LRRIQ1: variants seen among roughly 807,000 people sequenced by gnomAD.
LRRIQ1 encodes leucine-rich repeat- and IQ domain-containing protein 1.
LRRIQ1 carries 210 observed loss-of-function variants against 211.9 expected under a neutral mutation model. The ratio of observed to expected loss-of-function variants is 0.99; its 90% confidence interval spans 0.89 to 1.11. LRRIQ1 has a LOEUF of 1.11. Ranked by LOEUF, LRRIQ1 falls within the 50% of genes most tolerant of loss-of-function variation. The pLI is 0.00. For synonymous variants in LRRIQ1, 699 were observed against 650.1 expected, an observed-to-expected ratio of 1.08 and a Z score of -1.14; for missense variants, 2,136 against 1,939.5, an observed-to-expected ratio of 1.10 and a Z score of -1.90.
intron 24 of LRRIQ1, among the ~76,000 whole-genome samples, chr12:85,179,925 C>T (rs1163739349): frequency 4.1e-4 from 63 of 152,004 alleles, no homozygotes; most frequent in Non-Finnish European, 1.5e-4. Context: ...TCTGCTTCCT[C>T]CCATCCTCAA....
intron 24 of LRRIQ1, among the ~76,000 whole-genome samples, chr12:85,192,279 T>A (rs1294143627): frequency 6.7e-6 from 1 of 149,586 alleles, no homozygotes; most frequent in East Asian, 1.9e-4. Flanking sequence ...GTTCCTGTGT[T>A]AGTTTGCTTA....
intron 25 of LRRIQ1, among the ~76,000 whole-genome samples, chr12:85,231,678 G>T (rs533956798): frequency 2.0e-5 from 3 of 152,192 alleles, no homozygotes; most frequent in African/African-American, 4.8e-5. Context: ...AACCCAAGGG[G>T]TATACTGGCT....
chr12:85,151,260 C>G (rs1162847877), intron 19 of LRRIQ1, among the ~76,000 whole-genome samples: 1 of 151,472 alleles, frequency 6.6e-6, no homozygotes, highest in African/African-American at 2.4e-5. Flanking sequence ...GTTAGGTATC[C>G]TAAGACTAAA....
At chr12:85,047,684 C>A in intron 6 of LRRIQ1, 1 of 446,266 alleles carries the variant, frequency 2.2e-6, no homozygotes, top group Non-Finnish European at 4.1e-6. Context: ...CACTTCTGAT[C>A]TTGGGGGCCA....
intron 11 of LRRIQ1, among the ~76,000 whole-genome samples, chr12:85,094,864 T>TTG (rs1479148274): frequency 6.6e-6 from 1 of 151,858 alleles, no homozygotes; most frequent in Non-Finnish European, 1.5e-5. Context: ...ACGTGTGTGT[T>TTG]TGTGTGTGTA....
chr12:85,086,390 G>T (rs1381408608), intron 11 of LRRIQ1, among the ~76,000 whole-genome samples: 4 of 151,928 alleles, frequency 2.6e-5, no homozygotes, highest in Admixed American at 2.6e-4. Context: ...GAGGTCTGGT[G>T]GTTTAAAAGT....
intron 1 of LRRIQ1, among the ~76,000 whole-genome samples, chr12:85,255,658 G>T (rs1896068420): frequency 6.6e-6 from 1 of 151,626 alleles, no homozygotes; most frequent in Non-Finnish European, 1.5e-5. Flanking sequence ...GCCAGCAAGA[G>T]TTATTCTCTA....
rs1299914442 is a variant in LRRIQ1 at position 85,056,970 on chromosome 12, C to G, written c.2177C>G (p.Thr726Ser). ...HENAPEPDSM[T>S]CCVSESTLLY... ...AATGCACCTGAACCTGATAGCATGA[C>G]CTGCTGTGTATCAGAGTCAACCCTT... Residue 726 changes from threonine to serine, a missense_variant, in exon 8 of 27, where the codon ACC (threonine) becomes AGC (serine). Transcript: ENST00000393217. 6.2e-7 allele frequency: 1 copy of G among 1,611,122 alleles called. No homozygotes were observed. The highest frequency in any genetic ancestry group is 8.5e-7 in the Non-Finnish European group (1 of 1,178,770).
intron 4 of LRRIQ1, among the ~76,000 whole-genome samples, chr12:85,045,080 TATTACACAA>T (rs756649988): frequency 6.6e-6 from 1 of 151,948 alleles, no homozygotes; most frequent in Non-Finnish European, 1.5e-5. Context: ...AGGAGAACTA[TATTACACAA>T]ATTTTGTTGT....
At chr12:85,204,795 T>C (rs1419469833) in intron 24 of LRRIQ1, among the ~76,000 whole-genome samples, 1 of 152,184 alleles carries the variant, frequency 6.6e-6, no homozygotes, top group Non-Finnish European at 1.5e-5. Flanking sequence ...GAGAAGGGAC[T>C]TGCCTTATCT....
At chr12:85,107,123 A>G (rs1886836831) in intron 15 of LRRIQ1, among the ~76,000 whole-genome samples, 1 of 152,066 alleles carries the variant, frequency 6.6e-6, no homozygotes, top group African/African-American at 2.4e-5. Flanking sequence ...ATATTTTGTA[A>G]TTTTTAATAC....
downstream of LRRIQ1, among the ~76,000 whole-genome samples, chr12:85,245,817 A>C (rs1360898709): frequency 1.3e-5 from 2 of 150,796 alleles, no homozygotes; most frequent in Admixed American, 6.7e-5. Context: ...CTTTATACTT[A>C]ATTATAATTA....
chr12:85,237,656 A>G (rs1354506748), intron 26 of LRRIQ1, among the ~76,000 whole-genome samples: 1 of 152,120 alleles, frequency 6.6e-6, no homozygotes, highest in Non-Finnish European at 1.5e-5. Flanking sequence ...AGTTAAGACC[A>G]TGTAAAGTTA....
intron 24 of LRRIQ1, among the ~76,000 whole-genome samples, chr12:85,192,134 G>A (rs1161862275): frequency 6.6e-6 from 1 of 151,338 alleles, no homozygotes; most frequent in African/African-American, 2.4e-5. Context: ...AAGTATTACA[G>A]CTTTTCAGTC....
chr12:85,254,521 T>A (rs985816599), intron 1 of LRRIQ1, among the ~76,000 whole-genome samples: 41 of 152,126 alleles, frequency 2.7e-4, no homozygotes, highest in African/African-American at 9.9e-4. Context: ...GCAAAAGTTA[T>A]GTATTATAAT....
chr12:85,086,532 T>C (rs1490703571), intron 11 of LRRIQ1, among the ~76,000 whole-genome samples: 1 of 152,174 alleles, frequency 6.6e-6, no homozygotes, highest in Non-Finnish European at 1.5e-5. Flanking sequence ...ATGTCAGCAC[T>C]ATGCTTCCTG....
chr12:85,161,110 T>C (rs1371477321), intron 24 of LRRIQ1, among the ~76,000 whole-genome samples: 1 of 152,116 alleles, frequency 6.6e-6, no homozygotes, highest in Non-Finnish European at 1.5e-5. Flanking sequence ...TATTAAGCCC[T>C]ATAAATTATA....
At chr12:85,170,455 A>T (rs1283446783) in intron 24 of LRRIQ1, among the ~76,000 whole-genome samples, 1 of 150,424 alleles carries the variant, frequency 6.6e-6, no homozygotes, top group African/African-American at 2.4e-5. Context: ...GTATATGCAT[A>T]GTATATGCAC....
At chr12:85,215,391 T>A (rs1320441520) in intron 24 of LRRIQ1, among the ~76,000 whole-genome samples, 1 of 152,194 alleles carries the variant, frequency 6.6e-6, no homozygotes, top group African/African-American at 2.4e-5. Flanking sequence ...GTGTGCCGGT[T>A]TGTTACATAG....
Sources: gnomAD v4.1 joint callset for allele counts (sites outside exome capture counted in the v4.1 genomes callset) on GRCh38, gnomAD v4.1.1 for gene constraint, MANE v1.5 for transcripts, NCBI Gene and HGNC (gene_info 2026-07-23, HGNC 2026-07-21) for gene names.